Variants in SPATA16 observed in about 807,000 individuals in gnomAD.
The protein encoded by SPATA16 is spermatogenesis-associated protein 16.
SPATA16 carries 36 observed loss-of-function variants against 63.3 expected under a neutral mutation model. The ratio of observed to expected loss-of-function variants is 0.57; its 90% CI spans 0.44 to 0.75. The LOEUF is 0.75. Among genes scored for constraint, SPATA16 ranks in the 30% least tolerant of loss-of-function variants. SPATA16 has a pLI of 0.00. For missense variants in SPATA16, 646 were observed against 679.3 expected (o/e 0.95, Z 0.54); for synonymous variants, 203 against 216.7 (o/e 0.94, Z 0.56).
intron 6 of SPATA16, among the ~76,000 whole-genome samples, chr3:172,944,986 A>C (rs1283502497): frequency 6.6e-6 from 1 of 152,222 alleles, no homozygotes. Flanking sequence ...TACATTTTAC[A>C]TTGTGTATAT....
At chr3:172,934,412 A>G (rs1732935863) in intron 6 of SPATA16, among the ~76,000 whole-genome samples, 1 of 152,184 alleles carries the variant, frequency 6.6e-6, no homozygotes, top group Non-Finnish European at 1.5e-5. Flanking sequence ...TGAAGCCATA[A>G]GTAAGATTAA....
chr3:172,942,992 A>G (rs1310845233), intron 6 of SPATA16, among the ~76,000 whole-genome samples: 2 of 152,174 alleles, frequency 1.3e-5, no homozygotes, highest in Admixed American at 6.5e-5. Flanking sequence ...AAATACAATG[A>G]AAGTGTTTTT....
intron 2 of SPATA16, among the ~76,000 whole-genome samples, chr3:173,101,324 A>G (rs1223392917): frequency 1.3e-5 from 2 of 152,240 alleles, no homozygotes; most frequent in South Asian, 4.1e-4. Flanking sequence ...ACTGCTGCTC[A>G]CTGTCATGTA....
chr3:172,942,119 A>G (rs900753739), intron 6 of SPATA16, among the ~76,000 whole-genome samples: 4 of 152,144 alleles, frequency 2.6e-5, no homozygotes, highest in African/African-American at 9.7e-5. Flanking sequence ...ACAAAGATCT[A>G]TTTAGCACTT....
intron 5 of SPATA16, among the ~76,000 whole-genome samples, chr3:172,976,372 T>A (rs915113831): frequency 6.6e-6 from 1 of 152,118 alleles, no homozygotes; most frequent in Non-Finnish European, 1.5e-5. Flanking sequence ...AAGAACAGAT[T>A]CATGTCTTAT....
chr3:172,914,585 T>C (rs561282523), intron 9 of SPATA16, among the ~76,000 whole-genome samples: 1 of 152,280 alleles, frequency 6.6e-6, no homozygotes, highest in African/African-American at 2.4e-5. Context: ...GATAGCAGCA[T>C]ACAGGGTATT....
At chr3:173,037,206 T>C (rs1735732763) in intron 3 of SPATA16, among the ~76,000 whole-genome samples, 3 of 152,046 alleles carry the variant, frequency 2.0e-5, no homozygotes, top group African/African-American at 7.2e-5. Context: ...TATTACACCA[T>C]CTTTTTGCCC....
At chr3:173,140,737 C>G (rs957489309) in intron 1 of SPATA16, among the ~76,000 whole-genome samples, 2 of 152,160 alleles carry the variant, frequency 1.3e-5, no homozygotes, top group South Asian at 4.1e-4. Flanking sequence ...AAACTATACA[C>G]TTTATTAGGG....
chr3:172,995,034 T>C (rs1444318421), intron 4 of SPATA16, among the ~76,000 whole-genome samples: 1 of 152,002 alleles, frequency 6.6e-6, no homozygotes, highest in Admixed American at 6.6e-5. Flanking sequence ...GATCTGAGAA[T>C]GTAGACATAA....
At chr3:173,130,635 A>G (rs1738354781) in intron 1 of SPATA16, among the ~76,000 whole-genome samples, 1 of 152,156 alleles carries the variant, frequency 6.6e-6, no homozygotes, top group Non-Finnish European at 1.5e-5. Flanking sequence ...CAAAGATAGT[A>G]AAAAATGATC....
chr3:172,941,455 A>T (rs1733144844), intron 6 of SPATA16, among the ~76,000 whole-genome samples: 1 of 152,248 alleles, frequency 6.6e-6, no homozygotes, highest in South Asian at 2.1e-4. Context: ...AGCATCAGAG[A>T]TAAAAGAAGA....
At chr3:173,128,293 T>G (rs928672978) in intron 1 of SPATA16, among the ~76,000 whole-genome samples, 3 of 152,222 alleles carry the variant, frequency 2.0e-5, no homozygotes, top group Admixed American at 6.5e-5. Flanking sequence ...GTGGATCATA[T>G]GGTGCTGACT....
chr3:172,941,034 A>G (rs1294841089), intron 6 of SPATA16, among the ~76,000 whole-genome samples: 2 of 152,104 alleles, frequency 1.3e-5, no homozygotes, highest in Non-Finnish European at 2.9e-5. Flanking sequence ...AAAAGATCTC[A>G]AGAGAACTTC....
At chr3:173,028,543 A>G (rs1364060096) in intron 3 of SPATA16, among the ~76,000 whole-genome samples, 1 of 152,010 alleles carries the variant, frequency 6.6e-6, no homozygotes, top group East Asian at 1.9e-4. Flanking sequence ...AGGAACTTAT[A>G]TCACTGATGA....
chr3:172,938,795 A>C (rs1733072347), intron 6 of SPATA16, among the ~76,000 whole-genome samples: 1 of 151,614 alleles, frequency 6.6e-6, no homozygotes. Context: ...ATCTTAATAT[A>C]CGTCTCTGAG....
intron 3 of SPATA16, among the ~76,000 whole-genome samples, chr3:173,030,103 T>C (rs866320151): frequency 7.8e-5 from 11 of 140,836 alleles, no homozygotes; most frequent in Non-Finnish European, 1.2e-4. Context: ...TCTATCTATC[T>C]ACCCACCCAC....
chr3:172,913,601 C>T lies in SPATA16; in HGVS notation c.1587+60G>A, dbSNP rs943767144. 8 of 1,535,122 alleles carry T rather than the reference C, an allele frequency of 5.2e-6. No homozygotes were observed. The African/African-American group carries it at 8.2e-5, about 16-fold the overall frequency. On this transcript the variant is annotated intron_variant, in intron 10 of 10. Transcript: ENST00000351008. ...CTTTTTATCCTCCAAACAGATTTGA[C>T]CCAAAATGGACATTTTCTTTGAGAA...
intron 10 of SPATA16, among the ~76,000 whole-genome samples, chr3:172,906,825 T>C: frequency 6.6e-6 from 1 of 152,164 alleles, no homozygotes; most frequent in African/African-American, 2.4e-5. Context: ...CACTGCAACC[T>C]CCGCTTCCGG....
At chr3:172,953,494 C>A (rs931577940) in intron 6 of SPATA16, among the ~76,000 whole-genome samples, 1 of 152,186 alleles carries the variant, frequency 6.6e-6, no homozygotes, top group African/African-American at 2.4e-5. Context: ...GAGAGTGGCT[C>A]TAGTTTGGGC....
Sources: gnomAD v4.1 joint callset for allele counts (sites outside exome capture counted in the v4.1 genomes callset) on GRCh38, gnomAD v4.1.1 for gene constraint, MANE v1.5 for transcripts, NCBI Gene and HGNC (gene_info 2026-07-23, HGNC 2026-07-21) for gene names.